The following CDH13 variants were observed in gnomAD, a reference collection of about 807,000 sequenced individuals.
CDH13 encodes the protein cadherin 13.
A neutral mutation model predicts 63.8 loss-of-function variants in CDH13; 24 were observed. The observed-to-expected ratio is 0.38, with a 90% CI of 0.27 to 0.53. The LOEUF (loss-of-function observed/expected upper bound fraction) is 0.53, where lower values mean the gene tolerates loss of function less well. CDH13 is among the 20% of genes least tolerant of loss of function. The pLI is 0.85. For synonymous variants in CDH13, 503 were observed against 355.3 expected (o/e 1.42, Z -4.67); for missense variants, 1,049 against 903.1 (o/e 1.16, Z -2.07).
intron 3 of CDH13, among the ~76,000 whole-genome samples, chr16:83,102,342 A>T (rs575251257): frequency 6.6e-6 from 1 of 152,252 alleles, no homozygotes; most frequent in Non-Finnish European, 1.5e-5. Flanking sequence ...AAACTAATAC[A>T]GCAATTCTGT....
intron 2 of CDH13, among the ~76,000 whole-genome samples, chr16:83,023,251 G>T (rs557793728): frequency 6.6e-6 from 1 of 152,238 alleles, no homozygotes; most frequent in Admixed American, 6.5e-5. Flanking sequence ...AACTCTGAGT[G>T]TTGCCTTTTG....
chr16:83,577,045 A>G (rs551506089), intron 7 of CDH13, among the ~76,000 whole-genome samples: 1 of 152,368 alleles, frequency 6.6e-6, no homozygotes, highest in East Asian at 1.9e-4. Context: ...ATTTGTGGGC[A>G]AAACAATCAA....
chr16:82,880,058 A>C (rs908373623), intron 2 of CDH13, among the ~76,000 whole-genome samples: 2 of 149,686 alleles, frequency 1.3e-5, no homozygotes, highest in Admixed American at 6.7e-5. Context: ...GATTATATAT[A>C]CTATTTATGT....
chr16:83,401,095 C>G (rs983942663), intron 6 of CDH13, among the ~76,000 whole-genome samples: 9 of 152,174 alleles, frequency 5.9e-5, no homozygotes, highest in African/African-American at 2.2e-4. Flanking sequence ...AATCCCAGCA[C>G]TTTGGGAAGC....
At chr16:83,082,221 C>T (rs1397425278) in intron 3 of CDH13, among the ~76,000 whole-genome samples, 2 of 152,194 alleles carry the variant, frequency 1.3e-5, no homozygotes, top group Non-Finnish European at 2.9e-5. Flanking sequence ...CTGCCCTCTC[C>T]CCACACATTT....
intron 3 of CDH13, among the ~76,000 whole-genome samples, chr16:83,037,196 G>A (rs964636556): frequency 6.6e-6 from 1 of 152,156 alleles, no homozygotes; most frequent in African/African-American, 2.4e-5. Flanking sequence ...TTACGGTCAT[G>A]CATCTTAGTC....
At chr16:82,889,016 G>A (rs560362156) in intron 2 of CDH13, among the ~76,000 whole-genome samples, 1 of 152,072 alleles carries the variant, frequency 6.6e-6, no homozygotes, top group Non-Finnish European at 1.5e-5. Flanking sequence ...TACTTCCCTG[G>A]GCTATAATCA....
Position 83,486,535 on chromosome 16 carries a change from C to T in CDH13, c.840C>T (p.Ala280=), listed in dbSNP as rs998832449. ...FDADDPATDN[A]LLRYNIRQQT... is the part of the protein sequence containing the mutation. ...CAGATGACCCAGCCACCGATAATGC[C>T]CTCCTGCGGTATAATATCCGTCAGC... Residue 280 remains alanine, a synonymous_variant, in exon 7 of 14, where the codon GCC becomes GCT. Transcript: ENST00000567109. 6.2e-7 allele frequency: 1 copy of T among 1,613,878 alleles called. No homozygotes were observed. The highest frequency in any genetic ancestry group is 1.1e-5 in the South Asian group (1 of 91,086).
intron 4 of CDH13, among the ~76,000 whole-genome samples, chr16:83,176,476 C>T (rs1319083541): frequency 2.1e-5 from 3 of 141,130 alleles, no homozygotes; most frequent in Non-Finnish European, 3.0e-5. Flanking sequence ...CATCACTGCA[C>T]TCCAGCCTGG....
intron 1 of CDH13, among the ~76,000 whole-genome samples, chr16:82,849,180 A>C (rs1167952261): frequency 6.6e-5 from 10 of 152,194 alleles, no homozygotes; most frequent in Admixed American, 6.5e-4. Flanking sequence ...TGTGACATTT[A>C]AGTAAAGAAA....
At chr16:82,762,469 G>A (rs2034890813) in intron 1 of CDH13, among the ~76,000 whole-genome samples, 1 of 152,206 alleles carries the variant, frequency 6.6e-6, no homozygotes, top group African/African-American at 2.4e-5. Context: ...AAATGTATGT[G>A]AGAGGATGTT....
chr16:83,329,174 G>A (rs1448781266), intron 5 of CDH13, among the ~76,000 whole-genome samples: 2 of 152,162 alleles, frequency 1.3e-5, no homozygotes, highest in African/African-American at 4.8e-5. Context: ...TCAGAAATCT[G>A]CATTCTTGCA....
At position 83,345,354 on chromosome 16, in the gene CDH13, A is replaced by G. The variant is rs1223983629; in HGVS notation, c.781+348A>G. ...GTGCTATAGCAGGGCTTTGATGAGA[A>G]TTGGGTCCCCATTACAAACTCCTCA... On this transcript the variant is annotated intron_variant, in intron 6 of 13. Coordinates refer to ENST00000567109, the MANE Select transcript of CDH13 (RefSeq NM_001257.5). Among the ~76,000 whole-genome samples, 3 of 152,176 alleles carry G rather than the reference A, an allele frequency of 2.0e-5. No individual in the cohort carries two copies. In the East Asian group the frequency reaches 5.8e-4, roughly 29 times the overall value.
chr16:82,656,132 A>T (rs575859904), intron 1 of CDH13, among the ~76,000 whole-genome samples: 1 of 152,210 alleles, frequency 6.6e-6, no homozygotes, highest in Non-Finnish European at 1.5e-5. Context: ...AAAAGATGAC[A>T]TATGAGCTGA....
intron 5 of CDH13, among the ~76,000 whole-genome samples, chr16:83,269,343 T>G (rs1470416242): frequency 1.3e-5 from 2 of 152,216 alleles, no homozygotes; most frequent in African/African-American, 2.4e-5. Flanking sequence ...TTAAATATAT[T>G]ATGCAATGCA....
At chr16:83,257,978 GTA>G (rs1372591328) in intron 5 of CDH13, among the ~76,000 whole-genome samples, 3 of 152,096 alleles carry the variant, frequency 2.0e-5, no homozygotes, top group Non-Finnish European at 4.4e-5. Context: ...GTGTGAGATG[GTA>G]TCTCAATGTG....
chr16:82,627,034 T>G lies in CDH13; in HGVS notation c.-59T>G. 1.9e-6 allele frequency: 3 copies of G among 1,557,516 alleles called. No individual in the cohort carries two copies. Among genetic ancestry groups the G allele is most frequent in the Non-Finnish European group, 2.6e-6 (3 of 1,149,446 alleles). Reference sequence around the variant, plus strand: ...CAAAGCCTGGCTCCCACGGAAAATATGCTCAGTGCAGCCGCGTGCATGAAT... The same window carrying G: ...CAAAGCCTGGCTCCCACGGAAAATAGGCTCAGTGCAGCCGCGTGCATGAAT... On this transcript the variant is annotated 5_prime_UTR_variant, in exon 1 of 14. The change abolishes an upstream ATG in the 5' untranslated region. Transcript: ENST00000567109.
chr16:83,579,137 A>G (rs895446381), intron 7 of CDH13, among the ~76,000 whole-genome samples: 2 of 152,222 alleles, frequency 1.3e-5, no homozygotes, highest in Non-Finnish European at 2.9e-5. Context: ...GAAGTGGAGC[A>G]GGGCTGTACC....
intron 7 of CDH13, among the ~76,000 whole-genome samples, chr16:83,497,470 A>G (rs1435667780): frequency 7.4e-6 from 1 of 134,936 alleles, no homozygotes; most frequent in African/African-American, 2.8e-5. Context: ...GTGAAATCAC[A>G]TGGACACAGG....
Sources: gnomAD v4.1 joint callset for allele counts (sites outside exome capture counted in the v4.1 genomes callset) on GRCh38, gnomAD v4.1.1 for gene constraint, MANE v1.5 for transcripts, NCBI Gene and HGNC (gene_info 2026-07-23, HGNC 2026-07-21) for gene names.